The following PPP2R2B variants were observed in gnomAD, a reference collection of about 807,000 sequenced individuals.
The protein encoded by PPP2R2B is serine/threonine-protein phosphatase 2A 55 kDa regulatory subunit B beta isoform.
A neutral mutation model predicts 46.0 loss-of-function variants in PPP2R2B; 5 were observed. The observed-to-expected ratio is 0.11, with a 90% CI of 0.06 to 0.23. The LOEUF is 0.23. Among genes scored for constraint, PPP2R2B ranks in the 10% least tolerant of loss-of-function variants. The probability of loss-of-function intolerance (pLI) is 1.00; values close to 1 mark genes in which losing one functional copy is unlikely to be tolerated. For missense variants in PPP2R2B, 367 were observed against 575.0 expected (o/e 0.64, Z 3.70); for synonymous variants, 215 against 206.7 (o/e 1.04, Z -0.34).
At chr5:146,881,339 G>A (rs1024936688), upstream of PPP2R2B, among the ~76,000 whole-genome samples, 5 of 151,802 alleles carry the variant, frequency 3.3e-5, no homozygotes, top group South Asian at 2.1e-4. Flanking sequence ...GTCCTACAGC[G>A]TTTTATAATA....
chr5:146,776,158 T>A (rs1755168736), intron 2 of PPP2R2B, among the ~76,000 whole-genome samples: 1 of 152,118 alleles, frequency 6.6e-6, no homozygotes, highest in South Asian at 2.1e-4. Context: ...AAAATTCATA[T>A]GGAATTTCAG....
rs188827028 is a variant in PPP2R2B at position 147,001,444 on chromosome 5, T to A, written c.79+54221A>T. Reference sequence around the variant, plus strand: ...CTGTAACACTCACTGCAAAGGTCTGTGGCTTCACTCCTGAAGTCAGCAAGA... The same window carrying A: ...CTGTAACACTCACTGCAAAGGTCTGAGGCTTCACTCCTGAAGTCAGCAAGA... On this transcript the variant is annotated intron_variant, in intron 1 of 8. Transcript: ENST00000336640. Among the ~76,000 whole-genome samples the A allele has an allele frequency of 2.1e-3, 318 of 152,132 alleles. 1 individual carries two copies. The highest frequency in any genetic ancestry group is 7.4e-3 in the African/African-American group (307 of 41,500).
chr5:146,690,157 A>G (rs1416314856), intron 5 of PPP2R2B, among the ~76,000 whole-genome samples: 1 of 152,158 alleles, frequency 6.6e-6, no homozygotes, highest in African/African-American at 2.4e-5. Flanking sequence ...GGTGTCTGAA[A>G]TCACATATTT....
At chr5:147,042,620 T>C (rs939295953) in intron 1 of PPP2R2B, among the ~76,000 whole-genome samples, 1 of 152,142 alleles carries the variant, frequency 6.6e-6, no homozygotes, top group Non-Finnish European at 1.5e-5. Flanking sequence ...TATCATTCAC[T>C]ACTATATGCC....
rs370311835 is a variant in PPP2R2B at position 147,031,586 on chromosome 5, T to C, written c.79+24079A>G. Among the ~76,000 whole-genome samples the C allele has an allele frequency of 5.3e-5, 8 of 152,274 alleles. No individual in the cohort carries two copies. In the East Asian group the frequency reaches 1.5e-3, roughly 29 times the overall value. Reference sequence around the variant, plus strand: ...TCTCAGCTGGTATCTCCTCAAATATTGATATTGCTCATTACCTCTCTGTCA... The same window carrying C: ...TCTCAGCTGGTATCTCCTCAAATATCGATATTGCTCATTACCTCTCTGTCA... On this transcript the variant is annotated intron_variant, in intron 1 of 8. Coordinates refer to the PPP2R2B transcript ENST00000336640.
intron 2 of PPP2R2B, among the ~76,000 whole-genome samples, chr5:147,067,665 C>A (rs1036230093): frequency 6.6e-6 from 1 of 152,154 alleles, no homozygotes; most frequent in African/African-American, 2.4e-5. Flanking sequence ...TTCTGTACCC[C>A]ACTTTCTCTG....
At chr5:146,709,864 A>G (rs144979342) in intron 2 of PPP2R2B, among the ~76,000 whole-genome samples, 1 of 152,320 alleles carries the variant, frequency 6.6e-6, no homozygotes, top group Non-Finnish European at 1.5e-5. Context: ...TTTCTGTTAT[A>G]TTCATCTAAA....
At chr5:146,729,233 C>G (rs962661032) in intron 2 of PPP2R2B, among the ~76,000 whole-genome samples, 2 of 152,182 alleles carry the variant, frequency 1.3e-5, no homozygotes, top group Non-Finnish European at 2.9e-5. Flanking sequence ...CATTTTGCCC[C>G]TGCCCTAGAG....
At chr5:146,928,023 A>C (rs1220117868) in intron 1 of PPP2R2B, among the ~76,000 whole-genome samples, 1 of 152,116 alleles carries the variant, frequency 6.6e-6, no homozygotes, top group Non-Finnish European at 1.5e-5. Flanking sequence ...TACAGGCCTG[A>C]GCCACCACAC....
intron 1 of PPP2R2B, among the ~76,000 whole-genome samples, chr5:146,964,044 T>C (rs1752297976): frequency 6.6e-6 from 1 of 152,228 alleles, no homozygotes; most frequent in Non-Finnish European, 1.5e-5. Flanking sequence ...CATCCAAATG[T>C]AGCCCTTAAG....
chr5:146,657,716 C>T (rs1255958022), intron 5 of PPP2R2B, among the ~76,000 whole-genome samples: 3 of 152,014 alleles, frequency 2.0e-5, no homozygotes, highest in Non-Finnish European at 4.4e-5. Context: ...TAATCAAGGC[C>T]CCATAGACGA....
intron 7 of PPP2R2B, among the ~76,000 whole-genome samples, chr5:146,620,735 C>G (rs529897787): frequency 6.6e-6 from 1 of 152,288 alleles, no homozygotes; most frequent in East Asian, 1.9e-4. Context: ...TCTCACGTCT[C>G]TCCCCCTGAG....
intron 1 of PPP2R2B, among the ~76,000 whole-genome samples, chr5:146,975,485 T>C (rs527872035): frequency 2.1e-4 from 32 of 152,186 alleles, no homozygotes; most frequent in Non-Finnish European, 4.0e-4. Context: ...AAATATGTCT[T>C]TGAGATCTTG....
intron 1 of PPP2R2B, among the ~76,000 whole-genome samples, chr5:146,944,225 C>T (rs1764409812): frequency 6.6e-6 from 1 of 152,090 alleles, no homozygotes; most frequent in African/African-American, 2.4e-5. Context: ...TACATATATT[C>T]TTTGAGAAAA....
At chr5:146,764,890 T>C (rs1357010132) in intron 2 of PPP2R2B, among the ~76,000 whole-genome samples, 2 of 152,072 alleles carry the variant, frequency 1.3e-5, no homozygotes, top group Non-Finnish European at 2.9e-5. Context: ...TCCTAGTGGA[T>C]CTTCCTAGTT....
chr5:147,031,161 C>T (rs1218780556), intron 1 of PPP2R2B, among the ~76,000 whole-genome samples: 4 of 151,806 alleles, frequency 2.6e-5, no homozygotes, highest in East Asian at 3.9e-4. Flanking sequence ...GGCGTGAACC[C>T]GGGAGGCGGA....
At chr5:146,650,779 G>A (rs1189335845) in intron 5 of PPP2R2B, 55 bp from the exon 6 acceptor site, 1 of 1,508,384 alleles carries the variant, frequency 6.6e-7, no homozygotes, top group African/African-American at 1.4e-5. Context: ...CATAGGAAAA[G>A]AGTGTGCATG....
intron 2 of PPP2R2B, among the ~76,000 whole-genome samples, chr5:146,740,233 T>C (rs187908293): frequency 6.9e-4 from 105 of 152,276 alleles, no homozygotes; most frequent in African/African-American, 2.4e-3. Flanking sequence ...GAAAGAGGTG[T>C]ACAAGTGATA....
chr5:147,016,769 C>T (rs1755026790), intron 1 of PPP2R2B, among the ~76,000 whole-genome samples: 1 of 151,512 alleles, frequency 6.6e-6, no homozygotes. Flanking sequence ...TCTATCCAGG[C>T]AGAAAACATG....
Sources: allele counts gnomAD v4.1 joint callset (sites outside exome capture counted in the v4.1 genomes callset), GRCh38; gene constraint gnomAD v4.1.1; transcripts MANE v1.5; gene names NCBI Gene and HGNC (gene_info 2026-07-23, HGNC 2026-07-21).